The following MAP3K3 variants were observed in gnomAD, a reference collection of about 807,000 sequenced individuals.
MAP3K3 encodes the protein mitogen-activated protein kinase kinase kinase 3, also known as MAP/ERK kinase kinase 3.
In MAP3K3, 12 loss-of-function variants were observed where a neutral mutation model predicts 80.9. The ratio of observed to expected loss-of-function variants is 0.15; its 90% confidence interval spans 0.10 to 0.24. The LOEUF (loss-of-function observed/expected upper bound fraction) is 0.24, where lower values mean the gene tolerates loss of function less well. MAP3K3 is among the 10% of genes least tolerant of loss of function. MAP3K3 has a pLI of 1.00. For synonymous variants in MAP3K3, 272 were observed against 307.1 expected, an observed-to-expected ratio of 0.89 and a Z score of 1.19; for missense variants, 596 against 834.7, an observed-to-expected ratio of 0.71 and a Z score of 3.52.
intron 6 of MAP3K3, among the ~76,000 whole-genome samples, chr17:63,672,577 T>G (rs1465445549): frequency 6.6e-6 from 1 of 152,104 alleles, no homozygotes; most frequent in African/African-American, 2.4e-5. Flanking sequence ...TATTGGAAAT[T>G]GTTATGTTGA....
intron 5 of MAP3K3, among the ~76,000 whole-genome samples, chr17:63,658,396 A>G (rs1206154621): frequency 6.6e-6 from 1 of 152,190 alleles, no homozygotes; most frequent in African/African-American, 2.4e-5. Flanking sequence ...GGGGCCTCTT[A>G]TAACTTATCA....
chr17:63,632,878 A>C (rs1568122876), intron 2 of MAP3K3, 76 bp downstream of exon 2: 2 of 1,582,672 alleles, frequency 1.3e-6, no homozygotes, highest in East Asian at 4.5e-5. Flanking sequence ...CGAAAAGCCA[A>C]GGAGACTACA....
At chr17:63,680,018 C>CT (rs2035298248) in intron 6 of MAP3K3, among the ~76,000 whole-genome samples, 1 of 152,152 alleles carries the variant, frequency 6.6e-6, no homozygotes, top group Non-Finnish European at 1.5e-5. Flanking sequence ...GACCCTGTCT[C>CT]TGAAACAAAA....
At chr17:63,669,510 C>G (rs2143477691) in intron 6 of MAP3K3, among the ~76,000 whole-genome samples, 1 of 151,988 alleles carries the variant, frequency 6.6e-6, no homozygotes, top group Admixed American at 6.5e-5. Context: ...TCACTGTCAC[C>G]CAGGCTGGAA....
intron 6 of MAP3K3, among the ~76,000 whole-genome samples, chr17:63,671,260 C>CT (rs56093750): frequency 0.34 from 47,273 of 141,018 alleles, 9,340 homozygotes; most frequent in African/African-American, 0.56. Context: ...AAATTATTTT[C>CT]TTTTTTTTTT....
At chr17:63,652,849 C>G (rs1207919543) in intron 4 of MAP3K3, among the ~76,000 whole-genome samples, 193 bp downstream of exon 4, 1 of 152,200 alleles carries the variant, frequency 6.6e-6, no homozygotes, top group Non-Finnish European at 1.5e-5. Flanking sequence ...TCAGCCATCT[C>G]AGCCATCTCC....
chr17:63,678,449 T>C (rs1009161615), intron 6 of MAP3K3, among the ~76,000 whole-genome samples: 2 of 151,800 alleles, frequency 1.3e-5, no homozygotes, highest in Non-Finnish European at 2.9e-5. Flanking sequence ...CTCTACCCTG[T>C]GAGTGAGATG....
chr17:63,627,998 C>G (rs532442002), intron 1 of MAP3K3, among the ~76,000 whole-genome samples: 3 of 151,992 alleles, frequency 2.0e-5, no homozygotes, highest in East Asian at 1.9e-4. Context: ...CTCTGCCTCC[C>G]AGGTTCAAGC....
At chr17:63,656,062 T>A (rs1168212426) in intron 4 of MAP3K3, among the ~76,000 whole-genome samples, 1 of 151,942 alleles carries the variant, frequency 6.6e-6, no homozygotes, top group Admixed American at 6.6e-5. Flanking sequence ...AAACCCCATC[T>A]CTACAAAAAG....
In MAP3K3 at chr17:63,694,026, G is replaced by A. The variant is rs2035645059; in HGVS notation, c.*249G>A. On this transcript the variant is annotated 3_prime_UTR_variant, in exon 16 of 16. Transcript: ENST00000361733. Reference sequence around the variant, plus strand: ...AGTGTCCTGAGCTCAGCGTGGAGGGGTAGGGGCTGGGAACAGTGTGCAAGG... The same window carrying A: ...AGTGTCCTGAGCTCAGCGTGGAGGGATAGGGGCTGGGAACAGTGTGCAAGG... 1 of 470,548 alleles carries A rather than the reference G, an allele frequency of 2.1e-6. No individual in the cohort carries two copies. Among genetic ancestry groups the A allele is most frequent in the Non-Finnish European group, 3.8e-6 (1 of 266,116 alleles). The allele number at this position is 470,548 out of a possible 1,614,324, so 29.1% of individuals were successfully genotyped here.
chr17:63,654,874 G>C (rs1223384610), intron 4 of MAP3K3, among the ~76,000 whole-genome samples: 1 of 151,956 alleles, frequency 6.6e-6, no homozygotes, highest in East Asian at 1.9e-4. Flanking sequence ...CGTCTCTGCT[G>C]CTGATATAAA....
At position 63,625,870 on chromosome 17, in the gene MAP3K3, G is replaced by A. The variant is rs551501435; in HGVS notation, c.4+3107G>A. The stretch of plus-strand genomic sequence containing the variant: ...GTAGATCGCTTGAGCCCAGGAGTTC[G>A]AGAGCAGCCTGGGCAACATGGTGAA... On this transcript the variant is annotated intron_variant, in intron 1 of 15. Coordinates refer to ENST00000361733, the MANE Select transcript of MAP3K3 (RefSeq NM_002401.5). 3.6e-4 allele frequency among the ~76,000 whole-genome samples: 55 copies of A among 152,246 alleles called. 1 individual carries two copies. The highest frequency in any genetic ancestry group is 3.4e-3 in the Middle Eastern group (1 of 292).
In MAP3K3 at chr17:63,689,629, C is replaced by T. The variant is rs759718736; in HGVS notation, c.957C>T (p.Gly319=). 1.9e-6 allele frequency: 3 copies of T among 1,614,018 alleles called. No homozygotes were observed. Among genetic ancestry groups the T allele is most frequent in the East Asian group, 2.2e-5 (1 of 44,876 alleles). Residue 319 remains glycine (G), a synonymous_variant, in exon 11 of 16, where the codon GGC becomes GGT. Transcript: ENST00000361733. The surrounding 1 kb of genome is among the most constrained non-coding windows in gnomAD (Gnocchi z 4.3). The part of the protein sequence containing the change: ...VPSSRSLSTN[G]ENMGLAVQYL... ...CCAGCCGCTCCCTGAGCACAAATGG[C>T]GAGAACATGGGTCTGGCTGTGCAAT...
chr17:63,661,292 A>C (rs1277462489), intron 5 of MAP3K3, among the ~76,000 whole-genome samples: 1 of 152,072 alleles, frequency 6.6e-6, no homozygotes, highest in Non-Finnish European at 1.5e-5. Flanking sequence ...AGTGATCCGC[A>C]CGCCTCAGCT....
intron 2 of MAP3K3, chr17:63,636,836 C>T (rs1351470361): frequency 8.4e-6 from 3 of 355,996 alleles, no homozygotes; most frequent in Non-Finnish European, 1.7e-5. Context: ...GCCAAGAAGA[C>T]TGCGTTGGTG....
At chr17:63,629,166 A>G (rs961405546) in intron 1 of MAP3K3, among the ~76,000 whole-genome samples, 1 of 151,598 alleles carries the variant, frequency 6.6e-6, no homozygotes, top group Non-Finnish European at 1.5e-5. Context: ...CCCTGTCGCC[A>G]TGCTGGAGTT....
intron 6 of MAP3K3, among the ~76,000 whole-genome samples, chr17:63,678,184 T>C (rs918974692): frequency 1.3e-5 from 2 of 152,100 alleles, no homozygotes; most frequent in Admixed American, 6.5e-5. Flanking sequence ...GCAATGTGGA[T>C]GATGATAATG....
chr17:63,681,683 G>C (rs1307673681), intron 6 of MAP3K3, 83 bp from the exon 7 acceptor site: 1 of 1,271,482 alleles, frequency 7.9e-7, no homozygotes, highest in Non-Finnish European at 1.0e-6. Context: ...GACCTCTAGG[G>C]CCTAATAGTT....
intron 8 of MAP3K3, among the ~76,000 whole-genome samples, chr17:63,687,748 G>A (rs912959984): frequency 2.0e-5 from 3 of 151,468 alleles, no homozygotes; most frequent in African/African-American, 7.3e-5. Flanking sequence ...CCAGCATTTT[G>A]GGAGGCCGAG....
Sources: gnomAD v4.1 joint callset for allele counts (sites outside exome capture counted in the v4.1 genomes callset) on GRCh38, gnomAD v4.1.1 for gene constraint, Gnocchi (gnomAD v3.1) non-coding constraint, MANE v1.5 for transcripts, NCBI Gene and HGNC (gene_info 2026-07-23, HGNC 2026-07-21) for gene names.